NDUFA12: variants seen among roughly 807,000 people sequenced by gnomAD.
NDUFA12 encodes the protein NADH dehydrogenase [ubiquinone] 1 alpha subcomplex subunit 12.
In NDUFA12, 17 loss-of-function variants were observed where a neutral mutation model predicts 20.3. The observed-to-expected ratio is 0.84, with a 90% CI of 0.57 to 1.26. The LOEUF (loss-of-function observed/expected upper bound fraction) is 1.26. Among genes scored for constraint, NDUFA12 ranks in the 50% most tolerant of loss-of-function variants. NDUFA12 has a pLI of 0.00. For missense variants in NDUFA12, 191 were observed against 183.7 expected (o/e 1.04, Z -0.23); for synonymous variants, 72 against 63.6 (o/e 1.13, Z -0.63).
chr12:94,975,328 A>G (rs1324701015), intron 3 of NDUFA12, among the ~76,000 whole-genome samples: 1 of 152,206 alleles, frequency 6.6e-6, no homozygotes, highest in Non-Finnish European at 1.5e-5. Context: ...ACATCAAGAG[A>G]TGTCAACAAA....
chr12:94,999,994 G>T (rs534631370), intron 2 of NDUFA12, among the ~76,000 whole-genome samples: 1 of 152,226 alleles, frequency 6.6e-6, no homozygotes, highest in South Asian at 2.1e-4. Context: ...CAAAGAAAAA[G>T]AAGTCATTAC....
chr12:94,972,422 A>G (rs1307274186), intron 3 of NDUFA12: 1 of 451,328 alleles, frequency 2.2e-6, no homozygotes, highest in Admixed American at 2.4e-5. Context: ...CTAGAGGCCG[A>G]TTCTGGATTT....
intron 3 of NDUFA12, among the ~76,000 whole-genome samples, chr12:94,989,296 T>C (rs1874555630): frequency 6.6e-6 from 1 of 152,196 alleles, no homozygotes; most frequent in South Asian, 2.1e-4. Context: ...CCTTGTTTTA[T>C]TCACTGCTTT....
At chr12:94,992,226 A>ATTTG (rs1874669816) in intron 3 of NDUFA12, among the ~76,000 whole-genome samples, 1 of 152,230 alleles carries the variant, frequency 6.6e-6, no homozygotes, top group Non-Finnish European at 1.5e-5. Context: ...ACGTCATGCA[A>ATTTG]AATTTGGTAA....
At chr12:94,996,179 G>A (rs1462307995) in intron 2 of NDUFA12, among the ~76,000 whole-genome samples, 1 of 151,980 alleles carries the variant, frequency 6.6e-6, no homozygotes, top group African/African-American at 2.4e-5. Flanking sequence ...CTGCATTTCA[G>A]GTGGGGCAAC....
chr12:94,986,247 A>G (rs902818013), intron 3 of NDUFA12, among the ~76,000 whole-genome samples: 1 of 151,152 alleles, frequency 6.6e-6, no homozygotes, highest in Non-Finnish European at 1.5e-5. Flanking sequence ...TCTTCAAAAG[A>G]AAAAAAAAGA....
At chr12:94,996,880 GTGAGAAGTAGAAAGAATAATTACCCC>G in intron 2 of NDUFA12, 1 of 312,230 alleles carries the variant, frequency 3.2e-6, no homozygotes, top group South Asian at 2.8e-5. Flanking sequence ...TAACAATACA[GTGAGAAGTAGAAAGAATAATTACCCC>G]AGGTTCTGCC....
rs116108698 is a variant in NDUFA12 at position 94,973,730 on chromosome 12, C to T, written c.258-2110G>A. Among the ~76,000 whole-genome samples, 305 of 152,138 alleles carry T rather than the reference C, an allele frequency of 2.0e-3. 1 individual carries two copies. Among genetic ancestry groups the T allele is most frequent in the African/African-American group, 6.7e-3 (280 of 41,518 alleles). On this transcript the variant is annotated intron_variant, in intron 3 of 3. Transcript: ENST00000327772. The stretch of plus-strand genomic sequence containing the variant: ...GGAAAAGATAATTTTTATCACAATA[C>T]ACAAAATCTGAAAATATTTATCCTA...
intron 2 of NDUFA12, among the ~76,000 whole-genome samples, chr12:94,995,608 C>A (rs1874797273): frequency 6.6e-6 from 1 of 152,256 alleles, no homozygotes; most frequent in Admixed American, 6.5e-5. Context: ...CGGCTCACTG[C>A]CTGCAACCTC....
intron 3 of NDUFA12, among the ~76,000 whole-genome samples, chr12:94,984,209 A>G (rs990886871): frequency 6.6e-6 from 1 of 152,212 alleles, no homozygotes; most frequent in Admixed American, 6.5e-5. Context: ...GTGGGGACAC[A>G]CAATCATTAC....
At chr12:94,986,516 T>C (rs906935057) in intron 3 of NDUFA12, among the ~76,000 whole-genome samples, 1 of 152,172 alleles carries the variant, frequency 6.6e-6, no homozygotes, top group African/African-American at 2.4e-5. Flanking sequence ...ATTTAATCAT[T>C]CCACAATGTA....
intron 3 of NDUFA12, among the ~76,000 whole-genome samples, chr12:94,987,419 GA>G (rs1424288916): frequency 1.3e-5 from 2 of 152,188 alleles, no homozygotes; most frequent in Admixed American, 6.5e-5. Flanking sequence ...GACAACTGAC[GA>G]AACCTGAGTG....
rs1302489396 is a variant in NDUFA12, at chr12:94,994,234, T to C, written c.193A>G (p.Thr65Ala). The C allele has an allele frequency of 1.2e-6, 2 of 1,614,174 alleles. No homozygotes were observed. The highest frequency in any genetic ancestry group is 2.2e-5 in the South Asian group (2 of 91,084). Residue 65 changes from threonine (T) to alanine (A), a missense_variant, in exon 3 of 4, where the codon ACT (threonine) becomes GCT (alanine). Thr to Ala is a moderately conservative substitution (Grantham distance 58). Coordinates refer to ENST00000327772, the MANE Select transcript of NDUFA12 (RefSeq NM_018838.5). ...FFGRHRWVVY[T>A]TEMNGKNTFW... ...GTGTTTTTGCCATTCATTTCAGTAG[T>C]ATATACAACCCATCGGTGACGGCCT...
chr12:94,992,505 G>A (rs879636345), intron 3 of NDUFA12, among the ~76,000 whole-genome samples: 2 of 152,218 alleles, frequency 1.3e-5, no homozygotes, highest in African/African-American at 2.4e-5. Flanking sequence ...ATACTGTGAT[G>A]TTGACATGCC....
intron 2 of NDUFA12, among the ~76,000 whole-genome samples, chr12:95,000,326 G>A (rs935530279): frequency 6.6e-6 from 1 of 152,040 alleles, no homozygotes; most frequent in Non-Finnish European, 1.5e-5. Context: ...GACTCAAGGG[G>A]ATAAAAGACT....
At chr12:94,974,421 T>C (rs549899360) in intron 3 of NDUFA12, among the ~76,000 whole-genome samples, 18 of 152,190 alleles carry the variant, frequency 1.2e-4, no homozygotes, top group Non-Finnish European at 1.5e-4. Context: ...ACAACCATTA[T>C]AGAGAACAGT....
At chr12:94,982,885 T>C (rs1874290074) in intron 3 of NDUFA12, among the ~76,000 whole-genome samples, 1 of 152,174 alleles carries the variant, frequency 6.6e-6, no homozygotes, top group Non-Finnish European at 1.5e-5. Flanking sequence ...AGCTAGGCAT[T>C]TAACTGAAGG....
At chr12:94,983,196 G>C (rs1048714553) in intron 3 of NDUFA12, among the ~76,000 whole-genome samples, 5 of 152,072 alleles carry the variant, frequency 3.3e-5, no homozygotes, top group African/African-American at 1.2e-4. Context: ...CAATCAATCA[G>C]CAACTCCTGC....
intron 2 of NDUFA12, among the ~76,000 whole-genome samples, chr12:95,001,055 A>C (rs528121072): frequency 6.6e-5 from 10 of 152,368 alleles, no homozygotes; most frequent in African/African-American, 2.4e-4. Context: ...CCGTGATCCC[A>C]GCACTTTGGG....
Sources: allele counts gnomAD v4.1 joint callset (sites outside exome capture counted in the v4.1 genomes callset), GRCh38; gene constraint gnomAD v4.1.1; transcripts MANE v1.5; gene names NCBI Gene and HGNC (gene_info 2026-07-23, HGNC 2026-07-21).